The following RIMS1 variants were observed in gnomAD, a reference collection of about 807,000 sequenced individuals.
RIMS1 encodes the protein regulating synaptic membrane exocytosis 1, also known as regulating synaptic membrane exocytosis protein 1.
A neutral mutation model predicts 214.1 loss-of-function variants in RIMS1; 83 were observed. That is an observed-to-expected ratio of 0.39 (90% CI 0.32 to 0.47). The LOEUF (loss-of-function observed/expected upper bound fraction) is 0.47. Ranked by LOEUF, RIMS1 falls within the 20% of genes least tolerant of loss-of-function variation. The probability of loss-of-function intolerance (pLI) is 0.99; values close to 1 mark genes in which losing one functional copy is unlikely to be tolerated. For missense variants in RIMS1, 2,050 were observed against 2,161.8 expected (o/e 0.95, Z 1.03); for synonymous variants, 793 against 786.8 (o/e 1.01, Z -0.13).
At chr6:72,362,830 G>A (rs111919414) in intron 29 of RIMS1, among the ~76,000 whole-genome samples, 1,929 of 152,252 alleles carry the variant, frequency 0.013, 22 homozygotes, top group African/African-American at 0.03. Context: ...TTGTAGCACA[G>A]AGAATATAGA....
chr6:71,931,105 T>C (rs1002749766), intron 1 of RIMS1, among the ~76,000 whole-genome samples: 3 of 152,090 alleles, frequency 2.0e-5, no homozygotes, highest in Non-Finnish European at 4.4e-5. Context: ...ACATTGACCC[T>C]TAAGGAACTT....
intron 1 of RIMS1, among the ~76,000 whole-genome samples, chr6:71,888,489 C>T (rs753812069): frequency 2.6e-5 from 4 of 152,186 alleles, no homozygotes; most frequent in Non-Finnish European, 5.9e-5. Context: ...GCCTCTCCCC[C>T]ACCCCCTAGA....
chr6:71,913,714 G>A (rs893968969), intron 1 of RIMS1, among the ~76,000 whole-genome samples: 1 of 152,038 alleles, frequency 6.6e-6, no homozygotes, highest in African/African-American at 2.4e-5. Flanking sequence ...GTGGTTTCTG[G>A]TATGTAGGAT....
chr6:71,919,795 A>G (rs1779475138), intron 1 of RIMS1, among the ~76,000 whole-genome samples: 1 of 152,190 alleles, frequency 6.6e-6, no homozygotes, highest in African/African-American at 2.4e-5. Flanking sequence ...TGTTTTAAAG[A>G]ATGAAAGGCT....
At chr6:72,107,289 G>A (rs117433414) in intron 4 of RIMS1, among the ~76,000 whole-genome samples, 10,680 of 152,244 alleles carry the variant, frequency 0.07, 428 homozygotes, top group Non-Finnish European at 0.093. Flanking sequence ...CACCAGGAGC[G>A]GTAGCTCACG....
chr6:71,946,554 G>A, intron 1 of RIMS1, among the ~76,000 whole-genome samples: 1 of 152,076 alleles, frequency 6.6e-6, no homozygotes, highest in African/African-American at 2.4e-5. Flanking sequence ...TTCAATAAAT[G>A]GTGCTGGGAA....
intron 26 of RIMS1, among the ~76,000 whole-genome samples, chr6:72,300,973 A>C (rs1563770766): frequency 6.6e-6 from 1 of 151,742 alleles, no homozygotes; most frequent in Non-Finnish European, 1.5e-5. Flanking sequence ...CACTTATCTA[A>C]ACATAGGTAC....
rs774556384 is a variant in RIMS1, at chr6:72,242,305, A to C, written c.1958-9A>C. On this transcript the variant is annotated splice_polypyrimidine_tract_variant and intron_variant, in intron 9 of 33. Coordinates refer to ENST00000521978, the MANE Select transcript of RIMS1 (RefSeq NM_014989.7). Reference sequence around the variant, plus strand: ...AAGGTAAAAAAATACCCTTTTTTTTAAATTCAAGGGGATGAAGTTCTAGAA... The same window carrying C: ...AAGGTAAAAAAATACCCTTTTTTTTCAATTCAAGGGGATGAAGTTCTAGAA... 7 of 1,540,076 alleles carry C rather than the reference A, an allele frequency of 4.5e-6. No individual in the cohort carries two copies. Among genetic ancestry groups the C allele is most frequent in the Non-Finnish European group, 6.1e-6 (7 of 1,139,862 alleles).
chr6:71,901,268 A>G (rs1773520660), intron 1 of RIMS1, among the ~76,000 whole-genome samples: 1 of 152,242 alleles, frequency 6.6e-6, no homozygotes, highest in East Asian at 1.9e-4. Flanking sequence ...AGATATTTAT[A>G]TAAGAAAAAT....
chr6:72,146,822 T>C (rs1323146952), intron 4 of RIMS1, among the ~76,000 whole-genome samples: 1 of 152,234 alleles, frequency 6.6e-6, no homozygotes, highest in Non-Finnish European at 1.5e-5. Flanking sequence ...GTAAATCTAT[T>C]TTAAGTAGTC....
chr6:71,975,274 G>C (rs1222346679), intron 2 of RIMS1, among the ~76,000 whole-genome samples: 2 of 152,110 alleles, frequency 1.3e-5, no homozygotes, highest in Non-Finnish European at 2.9e-5. Context: ...AAACAAACTT[G>C]TCCCGGTTTT....
At chr6:72,394,024 TAAAAAAAAA>T (rs79272785) in intron 31 of RIMS1, among the ~76,000 whole-genome samples, 7 of 111,922 alleles carry the variant, frequency 6.3e-5, no homozygotes, top group Admixed American at 5.7e-4. Flanking sequence ...AATTATGAAC[TAAAAAAAAA>T]AAAAAAAAAG....
chr6:72,379,012 C>A lies in RIMS1; in HGVS notation c.4367-11586C>A, dbSNP rs79878404. 5.7e-3 allele frequency among the ~76,000 whole-genome samples: 869 copies of A among 152,250 alleles called. 6 individuals carry two copies. The highest frequency in any genetic ancestry group is 0.029 in the East Asian group (152 of 5,186). The stretch of plus-strand genomic sequence containing the variant: ...ATTAACTCTCTTATTAGAAGAGGAG[C>A]CTTATTCTTCCAGACATGAAACTGT... On this transcript the variant is annotated intron_variant, in intron 29 of 33. Transcript: ENST00000521978.
intron 8 of RIMS1, among the ~76,000 whole-genome samples, 164 bp from the exon 9 acceptor site, chr6:72,237,657 CAG>C (rs2064804983): frequency 6.8e-6 from 1 of 146,982 alleles, no homozygotes; most frequent in South Asian, 2.1e-4. Flanking sequence ...TCCTGGGTGA[CAG>C]AGCAAGATCC....
chr6:72,005,945 C>T (rs1032080259), intron 2 of RIMS1, among the ~76,000 whole-genome samples: 8 of 152,226 alleles, frequency 5.3e-5, no homozygotes, highest in South Asian at 4.1e-4. Context: ...TGGCAAATTA[C>T]GATAGAGTGG....
intron 5 of RIMS1, among the ~76,000 whole-genome samples, chr6:72,181,233 A>G (rs544473896): frequency 5.9e-5 from 9 of 152,304 alleles, no homozygotes; most frequent in African/African-American, 2.2e-4. Context: ...CTTCTCAATT[A>G]AGCTTTGTAA....
chr6:72,113,437 T>A (rs1484976664), intron 4 of RIMS1, among the ~76,000 whole-genome samples: 1 of 152,140 alleles, frequency 6.6e-6, no homozygotes, highest in Non-Finnish European at 1.5e-5. Flanking sequence ...AAATTGTGTT[T>A]TTGAACTGAA....
chr6:72,253,243 A>G (rs1284657979), intron 16 of RIMS1, among the ~76,000 whole-genome samples: 5 of 152,214 alleles, frequency 3.3e-5, no homozygotes, highest in Non-Finnish European at 7.3e-5. Context: ...ATACTGAGAA[A>G]GGTGCATGGC....
chr6:72,055,098 G>A (rs950189133), intron 2 of RIMS1, among the ~76,000 whole-genome samples: 1 of 152,082 alleles, frequency 6.6e-6, no homozygotes, highest in Non-Finnish European at 1.5e-5. Context: ...GTTAATTTTT[G>A]TATAAGGTGT....
Sources: allele counts gnomAD v4.1 joint callset (sites outside exome capture counted in the v4.1 genomes callset), GRCh38; gene constraint gnomAD v4.1.1; transcripts MANE v1.5; gene names NCBI Gene and HGNC (gene_info 2026-07-23, HGNC 2026-07-21).